The following MS4A6E variants were observed in gnomAD, a reference collection of about 807,000 sequenced individuals.
MS4A6E encodes the protein membrane-spanning 4-domains subfamily A member 6E.
MS4A6E carries 8 observed loss-of-function variants against 13.2 expected under a neutral mutation model. The observed-to-expected ratio is 0.60, with a 90% CI of 0.35 to 1.09. The LOEUF is 1.09. MS4A6E is among the 50% of genes least tolerant of loss of function. The probability of loss-of-function intolerance (pLI) is 0.02; values close to 1 mark genes in which losing one functional copy is unlikely to be tolerated. For missense variants in MS4A6E, 177 were observed against 171.1 expected, an observed-to-expected ratio of 1.03 and a Z score of -0.19; for synonymous variants, 72 against 67.6, an observed-to-expected ratio of 1.06 and a Z score of -0.32.
chr11:60,328,912 C>A (rs1319334620), intron 1 of MS4A6E, among the ~76,000 whole-genome samples: 1 of 152,096 alleles, frequency 6.6e-6, no homozygotes, highest in Non-Finnish European at 1.5e-5. Context: ...GGCATTTTTG[C>A]TAAATGACTA....
chr11:60,342,177 GTGAGAGAGAGAGAGAGAGAGA>G (rs2085230575), downstream of MS4A6E, among the ~76,000 whole-genome samples: 3 of 29,242 alleles, frequency 1.0e-4, no homozygotes, highest in African/African-American at 3.0e-4. Flanking sequence ...GTGTGTGTGT[GTGAGAGAGAGAGAGAGAGAGA>G]GAGGGGGGGG....
downstream of MS4A6E, among the ~76,000 whole-genome samples, chr11:60,343,178 T>C (rs1451334136): frequency 2.0e-5 from 3 of 152,102 alleles, no homozygotes; most frequent in East Asian, 5.8e-4. Context: ...GAATACAGGG[T>C]TTGAATATGA....
chr11:60,344,421 G>A (rs1006575288), downstream of MS4A6E, among the ~76,000 whole-genome samples: 1 of 152,142 alleles, frequency 6.6e-6, no homozygotes, highest in Non-Finnish European at 1.5e-5. Context: ...ACCTGTTCAG[G>A]GGATTATTTT....
intron 4 of MS4A6E, among the ~76,000 whole-genome samples, chr11:60,348,357 GAA>G (rs890062693): frequency 6.6e-6 from 1 of 152,198 alleles, no homozygotes; most frequent in African/African-American, 2.4e-5. Context: ...ATGAAGGGTA[GAA>G]AGAGTACAGC....
chr11:60,329,069 G>A (rs553064480), intron 1 of MS4A6E, among the ~76,000 whole-genome samples: 2 of 152,188 alleles, frequency 1.3e-5, no homozygotes, highest in African/African-American at 4.8e-5. Context: ...AGGTATACAC[G>A]TGCCATGGTG....
intron 2 of MS4A6E, among the ~76,000 whole-genome samples, chr11:60,336,569 G>C (rs2085189927): frequency 6.6e-6 from 1 of 152,092 alleles, no homozygotes; most frequent in African/African-American, 2.4e-5. Context: ...TTTTGAGATT[G>C]AAGAAGAGTG....
At chr11:60,327,528 T>TA (rs1316254755) in intron 1 of MS4A6E, among the ~76,000 whole-genome samples, 120 bp downstream of exon 1, 6 of 152,118 alleles carry the variant, frequency 3.9e-5, no homozygotes, top group African/African-American at 1.4e-4. Context: ...ATCGAACACC[T>TA]AAAAATGTGG....
In MS4A6E at chr11:60,330,174, G is replaced by A. The variant is rs1192033517; in HGVS notation, c.-15+2766G>A. ...TTGTTTGTTTTTTTCTTGTAAGTTT[G>A]TTTAAGTTCCTTGTAGATTCTGGAT... On this transcript the variant is annotated intron_variant, in intron 1 of 4. Coordinates refer to ENST00000684409, the MANE Select transcript of MS4A6E (RefSeq NM_139249.4). 1.3e-5 allele frequency among the ~76,000 whole-genome samples: 2 copies of A among 149,960 alleles called. 1 individual carries two copies. The highest frequency in any genetic ancestry group is 4.9e-5 in the African/African-American group (2 of 40,404).
chr11:60,338,037 T>A, intron 3 of MS4A6E, 90 bp downstream of exon 3: 1 of 1,370,514 alleles, frequency 7.3e-7, no homozygotes, highest in Non-Finnish European at 1.0e-6. Context: ...AATCTCTCTG[T>A]TAATTCTGGT....
chr11:60,336,084 T>C (rs1374490222), intron 2 of MS4A6E, among the ~76,000 whole-genome samples: 1 of 152,234 alleles, frequency 6.6e-6, no homozygotes, highest in East Asian at 1.9e-4. Context: ...CCCAGAAAAA[T>C]GCCAGTTCTT....
At chr11:60,340,097 G>T (rs750896956) in intron 4 of MS4A6E, 133 bp downstream of exon 4, 32 of 1,336,628 alleles carry the variant, frequency 2.4e-5, no homozygotes, top group Non-Finnish European at 3.3e-5. Context: ...TCATTTAAAT[G>T]GTGATGGAAG....
chr11:60,335,295 A>G (rs2085181610), intron 2 of MS4A6E, among the ~76,000 whole-genome samples: 2 of 152,164 alleles, frequency 1.3e-5, no homozygotes, highest in African/African-American at 4.8e-5. Context: ...GCAATACAGT[A>G]CTTCTCTATA....
At chr11:60,328,314 G>C (rs112737112) in intron 1 of MS4A6E, among the ~76,000 whole-genome samples, 4,467 of 152,252 alleles carry the variant, frequency 0.029, 207 homozygotes, top group African/African-American at 0.1. Flanking sequence ...GCCATGTGAA[G>C]ATAAAAGGCT....
chr11:60,342,481 C>A (rs201296609), downstream of MS4A6E, among the ~76,000 whole-genome samples: 1 of 151,648 alleles, frequency 6.6e-6, no homozygotes, highest in South Asian at 2.1e-4. Flanking sequence ...GGGTTTGGGG[C>A]AAGATGAGGC....
chr11:60,343,873 A>C (rs926803032), downstream of MS4A6E, among the ~76,000 whole-genome samples: 1 of 152,144 alleles, frequency 6.6e-6, no homozygotes, highest in Admixed American at 6.5e-5. Context: ...TGTATGCAGG[A>C]ATTAATACCT....
intron 1 of MS4A6E, among the ~76,000 whole-genome samples, chr11:60,332,088 T>G (rs1399562612): frequency 1.3e-5 from 2 of 152,246 alleles, no homozygotes; most frequent in Non-Finnish European, 2.9e-5. Context: ...TCACATGCTA[T>G]TTTCATTTTA....
chr11:60,333,980 T>G (rs10750935), intron 1 of MS4A6E, among the ~76,000 whole-genome samples: 2 of 151,996 alleles, frequency 1.3e-5, no homozygotes, highest in Non-Finnish European at 2.9e-5. Flanking sequence ...CCTGGCCTCT[T>G]TCACCCTGAT....
At chr11:60,344,606 G>A (rs2085247558), downstream of MS4A6E, among the ~76,000 whole-genome samples, 1 of 152,202 alleles carries the variant, frequency 6.6e-6, no homozygotes, top group Non-Finnish European at 1.5e-5. Context: ...TTGCCATCCT[G>A]ACTGTAGCCA....
chr11:60,338,244 A>G (rs1269771040), intron 3 of MS4A6E, among the ~76,000 whole-genome samples: 2 of 152,244 alleles, frequency 1.3e-5, no homozygotes, highest in African/African-American at 4.8e-5. Context: ...TGAGTTTGTC[A>G]AACTGAGAAT....
Sources: gnomAD v4.1 joint callset for allele counts (sites outside exome capture counted in the v4.1 genomes callset) on GRCh38, gnomAD v4.1.1 for gene constraint, MANE v1.5 for transcripts, NCBI Gene and HGNC (gene_info 2026-07-23, HGNC 2026-07-21) for gene names.